Variants in ANKFY1 observed in about 807,000 individuals in gnomAD.
ANKFY1 encodes the protein ankyrin repeat and FYVE domain containing 1.
ANKFY1 carries 47 observed loss-of-function variants against 128.3 expected under a neutral mutation model. The ratio of observed to expected loss-of-function variants is 0.37; its 90% CI spans 0.29 to 0.47. ANKFY1 has a LOEUF of 0.47. Ranked by LOEUF, ANKFY1 falls within the 20% of genes least tolerant of loss-of-function variation. The probability of loss-of-function intolerance (pLI) is 1.00; values close to 1 mark genes in which losing one functional copy is unlikely to be tolerated. For missense variants in ANKFY1, 1,222 were observed against 1,510.6 expected, an observed-to-expected ratio of 0.81 and a Z score of 3.17; for synonymous variants, 553 against 601.6, an observed-to-expected ratio of 0.92 and a Z score of 1.18.
rs367736130 is a variant in ANKFY1, at chr17:4,170,996, C to A, written c.3140-135G>T. 668 of 1,292,378 alleles carry A rather than the reference C, an allele frequency of 5.2e-4. 3 individuals carry two copies. Among genetic ancestry groups the A allele is most frequent in the Middle Eastern group, 4.5e-3 (17 of 3,780 alleles). 80.1% of individuals were successfully genotyped at this position (1,292,378 alleles called of 1,614,324 possible). A position where few individuals can be genotyped will look rare whatever the true frequency, so the allele number is the denominator to read the frequency against. Reference sequence around the variant, plus strand: ...TGTTCACAAAGTCCCCACAGACATACGGGGGCCCCGAGGCTCTGGAGAGAA... The same window carrying A: ...TGTTCACAAAGTCCCCACAGACATAAGGGGGCCCCGAGGCTCTGGAGAGAA... On this transcript the variant is annotated intron_variant, in intron 22 of 24. Coordinates refer to ENST00000341657, the MANE Select transcript of ANKFY1 (RefSeq NM_001330063.2).
intron 1 of ANKFY1, among the ~76,000 whole-genome samples, chr17:4,248,452 C>T (rs185125749): frequency 1.3e-4 from 20 of 152,328 alleles, no homozygotes; most frequent in African/African-American, 4.1e-4. Context: ...CTGTCTTCCA[C>T]GAAACCAGTC....
chr17:4,262,912 T>A (rs1968498857), intron 1 of ANKFY1, among the ~76,000 whole-genome samples: 1 of 152,146 alleles, frequency 6.6e-6, no homozygotes, highest in Non-Finnish European at 1.5e-5. Context: ...AACTGTCAGG[T>A]GCTGCCCAAA....
In ANKFY1 at chr17:4,194,270, G is replaced by C. The variant is rs553082805; in HGVS notation, c.1372+708C>G. Among the ~76,000 whole-genome samples, 250 of 151,056 alleles carry C rather than the reference G, an allele frequency of 1.7e-3. 1 individual carries two copies. The highest frequency in any genetic ancestry group is 5.8e-3 in the African/African-American group (241 of 41,242). On this transcript the variant is annotated intron_variant, in intron 10 of 24. Coordinates refer to ENST00000341657, the MANE Select transcript of ANKFY1 (RefSeq NM_001330063.2). ...CAGGAGCCCGCCACCATGCCCAGCT[G>C]ATAATTTGTTTTTTCAGTAGCGACA...
chr17:4,235,138 A>G (rs1400188875), intron 3 of ANKFY1, among the ~76,000 whole-genome samples: 1 of 152,036 alleles, frequency 6.6e-6, no homozygotes, highest in Admixed American at 6.5e-5. Context: ...AGGTCAGGAG[A>G]TAAAGACCAG....
chr17:4,186,824 G>C, intron 11 of ANKFY1: 1 of 995,414 alleles, frequency 1.0e-6, no homozygotes, highest in Non-Finnish European at 1.2e-6. Flanking sequence ...GCAAGGAAGA[G>C]ACTCTCAAAC....
At chr17:4,199,298 C>T (rs1169108177) in intron 7 of ANKFY1, among the ~76,000 whole-genome samples, 1 of 152,206 alleles carries the variant, frequency 6.6e-6, no homozygotes, top group African/African-American at 2.4e-5. Context: ...AGAGGATTCT[C>T]CTAACTCAGT....
In ANKFY1 at chr17:4,197,420, G is replaced by A; in HGVS notation, c.1056C>T (p.Ala352=). 6.2e-7 allele frequency: 1 copy of A among 1,614,106 alleles called. No homozygotes were observed. The highest frequency in any genetic ancestry group is 8.5e-7 in the Non-Finnish European group (1 of 1,180,022). Residue 352 remains alanine (A), a synonymous_variant, in exon 8 of 25, where the codon GCC becomes GCT. Transcript: ENST00000341657. ...TGGGGTTGGCACCAGCCTGCAGAAGGGCCTCTGCAATCTGCGCCATCTCAG... is the reference window on the plus strand; with the variant it reads ...TGGGGTTGGCACCAGCCTGCAGAAGAGCCTCTGCAATCTGCGCCATCTCAG... ...VMSEMAQIAE[A]LLQAGANPNM...
At chr17:4,180,540 G>A (rs1398396535) in intron 16 of ANKFY1, 2 of 152,150 alleles carry the variant, frequency 1.3e-5, no homozygotes, top group Non-Finnish European at 2.9e-5. Context: ...GAGGCGGGTG[G>A]ATCATGAGGT....
chr17:4,248,524 G>A (rs1322468666), intron 1 of ANKFY1, among the ~76,000 whole-genome samples: 1 of 152,214 alleles, frequency 6.6e-6, no homozygotes, highest in Non-Finnish European at 1.5e-5. Flanking sequence ...ATTAGGATAG[G>A]TTAAATCACT....
rs1253675826 is a variant in ANKFY1, at chr17:4,164,807, G to C, written c.*2972C>G. On this transcript the variant is annotated 3_prime_UTR_variant, in exon 25 of 25. Transcript: ENST00000341657. ...CACACACACACTGAGATCCACACAG[G>C]GACCCATTCAGGGACAAGAGTGAGG... 3 of 152,604 alleles carry C rather than the reference G, an allele frequency of 2.0e-5. No homozygotes were observed. Among genetic ancestry groups the C allele is most frequent in the Non-Finnish European group, 4.4e-5 (3 of 68,074 alleles). The allele number at this position is 152,604 out of a possible 1,614,324, so 9.5% of individuals were successfully genotyped here.
intron 1 of ANKFY1, among the ~76,000 whole-genome samples, chr17:4,244,067 A>G (rs1263654944): frequency 6.6e-6 from 1 of 151,630 alleles, no homozygotes; most frequent in East Asian, 1.9e-4. Flanking sequence ...AGCAGCTGGG[A>G]TGACAGGTGG....
At position 4,169,938 on chromosome 17, in the gene ANKFY1, GGGA is replaced by G. The variant is rs1434589199; in HGVS notation, c.3287-653_3287-651del. ...CATAGACAGGTCCACTGAGCTCATG[GGGA>G]CGGAGCAGCACGTGAGTCCGTCAGT... On this transcript the variant is annotated intron_variant, in intron 23 of 24. Coordinates refer to ENST00000341657, the MANE Select transcript of ANKFY1 (RefSeq NM_001330063.2). The surrounding 1 kb of genome is among the most constrained non-coding windows in gnomAD (Gnocchi z 5.0). Among the ~76,000 whole-genome samples, 1 of 152,202 alleles carries G rather than the reference GGGA, an allele frequency of 6.6e-6. No individual in the cohort carries two copies. The highest frequency in any genetic ancestry group is 2.4e-5 in the African/African-American group (1 of 41,436).
At chr17:4,255,976 C>T (rs1171017996) in intron 1 of ANKFY1, among the ~76,000 whole-genome samples, 2 of 152,092 alleles carry the variant, frequency 1.3e-5, no homozygotes, top group Non-Finnish European at 2.9e-5. Context: ...CACCACCAAG[C>T]CTGGCTAATT....
chr17:4,260,618 C>CAAAA (rs60030304), intron 1 of ANKFY1, among the ~76,000 whole-genome samples: 5 of 65,064 alleles, frequency 7.7e-5, no homozygotes, highest in Admixed American at 2.3e-4. Context: ...ATCCTGTCTC[C>CAAAA]AAAAAAAAAA....
chr17:4,187,239 G>A (rs2143006474), intron 11 of ANKFY1: 1 of 399,762 alleles, frequency 2.5e-6, no homozygotes, highest in East Asian at 3.6e-5. Context: ...TCGCTTCTGG[G>A]AGCCTCAAGC....
chr17:4,257,880 G>T lies in ANKFY1; in HGVS notation c.10+6052C>A, dbSNP rs1446356464. Among the ~76,000 whole-genome samples the T allele has an allele frequency of 3.9e-5, 6 of 152,328 alleles. No individual in the cohort carries two copies. The East Asian group carries it at 1.2e-3, about 29-fold the overall frequency. ...TCAATAAATACCACAGGTTCAACAG[G>T]AGATTCTGGGGACATAGCAATTTCT... On this transcript the variant is annotated intron_variant, in intron 1 of 24. Coordinates refer to ENST00000341657, the MANE Select transcript of ANKFY1 (RefSeq NM_001330063.2).
intron 2 of ANKFY1, among the ~76,000 whole-genome samples, chr17:4,240,854 G>A (rs1170196781): frequency 6.6e-6 from 1 of 152,130 alleles, no homozygotes; most frequent in African/African-American, 2.4e-5. Flanking sequence ...ACATGGGCAA[G>A]TACCCTAAAC....
intron 1 of ANKFY1, among the ~76,000 whole-genome samples, chr17:4,252,029 G>A (rs140235239): frequency 9.9e-5 from 13 of 131,628 alleles, no homozygotes; most frequent in East Asian, 4.8e-4. Context: ...ACGAGACTCC[G>A]TCTTAAAAAA....
At chr17:4,189,319 T>C in intron 11 of ANKFY1, 63 bp downstream of exon 11, 1 of 1,397,098 alleles carries the variant, frequency 7.2e-7, no homozygotes, top group Non-Finnish European at 9.9e-7. Flanking sequence ...TTCCTACATA[T>C]CCACCACTGC....
Sources: allele counts gnomAD v4.1 joint callset (sites outside exome capture counted in the v4.1 genomes callset), GRCh38; gene constraint gnomAD v4.1.1; non-coding constraint Gnocchi (gnomAD v3.1); transcripts MANE v1.5; gene names NCBI Gene and HGNC (gene_info 2026-07-23, HGNC 2026-07-21).